Variants in RBFOX1 observed in about 807,000 individuals in gnomAD.
RBFOX1 encodes RNA binding fox-1 homolog 1, also known as RNA binding protein fox-1 homolog 1.
Under a neutral mutation model 57.7 loss-of-function variants are expected in RBFOX1, and 8 were observed. The ratio of observed to expected loss-of-function variants is 0.14; its 90% CI spans 0.08 to 0.25. RBFOX1 has a LOEUF of 0.25. Ranked by LOEUF, RBFOX1 falls within the 10% of genes least tolerant of loss-of-function variation. The pLI is 1.00. For synonymous variants in RBFOX1, 326 were observed against 222.4 expected, an observed-to-expected ratio of 1.47 and a Z score of -4.15; for missense variants, 611 against 548.5, an observed-to-expected ratio of 1.11 and a Z score of -1.14.
chr16:6,679,587 T>C (rs1479715756), intron 3 of RBFOX1, among the ~76,000 whole-genome samples: 2 of 152,162 alleles, frequency 1.3e-5, no homozygotes, highest in African/African-American at 4.8e-5. Context: ...CATTATCTTT[T>C]TATGCTAAGA....
rs9933249 is a variant in RBFOX1, at chr16:7,256,907, C to G, written c.27+204809C>G. ...AAGTCCATCACACCCGGGAAACCTA[C>G]CCAAGTCTCTCTCCCTGACCACATG... On this transcript the variant is annotated intron_variant, in intron 4 of 15. Coordinates refer to ENST00000550418, the MANE Select transcript of RBFOX1 (RefSeq NM_018723.4). 1.5e-3 allele frequency among the ~76,000 whole-genome samples: 233 copies of G among 151,992 alleles called. 4 individuals carry two copies. Among genetic ancestry groups the G allele is most frequent in the Non-Finnish European group, 4.3e-4 (29 of 67,956 alleles).
At chr16:6,380,706 A>G (rs2091725774) in intron 2 of RBFOX1, among the ~76,000 whole-genome samples, 2 of 150,210 alleles carry the variant, frequency 1.3e-5, no homozygotes, top group South Asian at 2.1e-4. Context: ...ATACAAAACC[A>G]TTTCTGTAAA....
intron 4 of RBFOX1, among the ~76,000 whole-genome samples, chr16:7,323,011 C>T (rs536965821): frequency 1.3e-5 from 2 of 152,242 alleles, no homozygotes; most frequent in South Asian, 2.1e-4. Context: ...AAAGTCTTCT[C>T]CTCCTCTCTC....
At chr16:7,004,869 G>T (rs146155356) in intron 3 of RBFOX1, among the ~76,000 whole-genome samples, 1 of 152,254 alleles carries the variant, frequency 6.6e-6, no homozygotes, top group African/African-American at 2.4e-5. Flanking sequence ...GAGCAAAGAG[G>T]CCAGGTGAGG....
chr16:7,428,415 C>T (rs1024779932), intron 4 of RBFOX1, among the ~76,000 whole-genome samples: 1 of 146,286 alleles, frequency 6.8e-6, no homozygotes, highest in Non-Finnish European at 1.5e-5. Context: ...CAACTTTTGC[C>T]TCCTGGGTTC....
At chr16:6,566,510 A>G (rs986140859) in intron 2 of RBFOX1, among the ~76,000 whole-genome samples, 1 of 152,134 alleles carries the variant, frequency 6.6e-6, no homozygotes, top group Non-Finnish European at 1.5e-5. Context: ...ATTAATGTGT[A>G]ATGAATATCT....
At chr16:6,744,653 A>G (rs970626467) in intron 3 of RBFOX1, among the ~76,000 whole-genome samples, 12 of 152,136 alleles carry the variant, frequency 7.9e-5, no homozygotes, top group African/African-American at 2.7e-4. Context: ...GAACAAAAAT[A>G]TACATAAGAC....
chr16:6,718,942 A>G (rs1254139048), intron 3 of RBFOX1, among the ~76,000 whole-genome samples: 1 of 151,630 alleles, frequency 6.6e-6, no homozygotes, highest in African/African-American at 2.4e-5. Context: ...AGCTTGCTGC[A>G]GCTTCAACCT....
intron 2 of RBFOX1, among the ~76,000 whole-genome samples, chr16:5,584,419 G>A (rs1052068618): frequency 3.3e-5 from 5 of 152,108 alleles, no homozygotes; most frequent in African/African-American, 4.8e-5. Flanking sequence ...CAGCATTTTT[G>A]CCAGACTTCT....
At chr16:5,767,625 GGATTTGCCAGGACATTCTT>G (rs1319229681) in intron 3 of RBFOX1, among the ~76,000 whole-genome samples, 107 of 152,200 alleles carry the variant, frequency 7.0e-4, no homozygotes, top group African/African-American at 2.5e-3. Context: ...GGACACAACG[GGATTTGCCAGGACATTCTT>G]GATGTCTTCC....
chr16:6,869,396 C>A (rs1037620594), intron 3 of RBFOX1, among the ~76,000 whole-genome samples: 2 of 151,908 alleles, frequency 1.3e-5, no homozygotes, highest in Non-Finnish European at 2.9e-5. Flanking sequence ...ATGGGTCTTT[C>A]AAGCTCCAAA....
chr16:6,136,251 G>C (rs2096666526), intron 1 of RBFOX1, among the ~76,000 whole-genome samples: 1 of 152,152 alleles, frequency 6.6e-6, no homozygotes, highest in African/African-American at 2.4e-5. Flanking sequence ...TGTATGTCCT[G>C]CCCTCCTCCG....
intron 3 of RBFOX1, among the ~76,000 whole-genome samples, chr16:5,698,901 C>G (rs1192414725): frequency 6.6e-6 from 1 of 151,120 alleles, no homozygotes. Context: ...ATTGCAATGT[C>G]TTTGTTTTCC....
intron 1 of RBFOX1, among the ~76,000 whole-genome samples, chr16:5,398,976 G>C (rs937675543): frequency 2.0e-5 from 3 of 152,216 alleles, no homozygotes; most frequent in Non-Finnish European, 4.4e-5. Context: ...TCCAGTCCCA[G>C]CTTTTCTCCT....
In RBFOX1 at chr16:5,938,778, C is replaced by A. The variant is rs562818312; in HGVS notation, c.351+71443C>A. On this transcript the variant is annotated intron_variant, in intron 4 of 19. Coordinates refer to the RBFOX1 transcript ENST00000641259. ...CATTTTGGTTACCTGCAGCTCACCA[C>A]AAAGCAGGAGGAAGCCCAGCTGAAA... Among the ~76,000 whole-genome samples the A allele has an allele frequency of 5.9e-5, 9 of 152,268 alleles. No individual in the cohort carries two copies. The East Asian group carries it at 1.7e-3, about 29-fold the overall frequency.
chr16:7,684,724 G>T (rs1177158968), intron 14 of RBFOX1, among the ~76,000 whole-genome samples: 3 of 152,024 alleles, frequency 2.0e-5, no homozygotes, highest in Non-Finnish European at 4.4e-5. Context: ...TGTATTAAGA[G>T]ATGAAGAACT....
intron 1 of RBFOX1, among the ~76,000 whole-genome samples, chr16:6,137,972 G>C (rs2096680669): frequency 6.6e-6 from 1 of 152,136 alleles, no homozygotes; most frequent in Non-Finnish European, 1.5e-5. Flanking sequence ...CTGAGGTTCA[G>C]TTATGTTAAG....
chr16:6,998,593 C>A (rs1453915836), intron 3 of RBFOX1, among the ~76,000 whole-genome samples: 1 of 152,126 alleles, frequency 6.6e-6, no homozygotes, highest in Non-Finnish European at 1.5e-5. Flanking sequence ...TTGGTTATAT[C>A]ATTGTGATCG....
At chr16:6,876,766 T>C (rs2061927834) in intron 3 of RBFOX1, among the ~76,000 whole-genome samples, 1 of 152,162 alleles carries the variant, frequency 6.6e-6, no homozygotes, top group African/African-American at 2.4e-5. Context: ...CTTTTTCTTA[T>C]TTATATTTGC....
Sources: allele counts gnomAD v4.1 joint callset (sites outside exome capture counted in the v4.1 genomes callset), GRCh38; gene constraint gnomAD v4.1.1; transcripts MANE v1.5; gene names NCBI Gene and HGNC (gene_info 2026-07-23, HGNC 2026-07-21).